Variants in FCRL1 observed in about 807,000 individuals in gnomAD.
FCRL1 encodes the protein Fc receptor like 1, also known as Fc receptor-like protein 1.
FCRL1 carries 34 observed loss-of-function variants against 49.2 expected under a neutral mutation model. That is an observed-to-expected ratio of 0.69 (90% CI 0.53 to 0.92). FCRL1 has a LOEUF of 0.92. Among genes scored for constraint, FCRL1 ranks in the 40% least tolerant of loss-of-function variants. FCRL1 has a pLI of 0.00. For synonymous variants in FCRL1, 218 were observed against 201.6 expected, an observed-to-expected ratio of 1.08 and a Z score of -0.69; for missense variants, 524 against 524.1, an observed-to-expected ratio of 1.00 and a Z score of 0.00.
chr1:157,817,222 T>C (rs935416730), intron 1 of FCRL1, among the ~76,000 whole-genome samples: 2 of 151,352 alleles, frequency 1.3e-5, no homozygotes, highest in East Asian at 1.9e-4. Flanking sequence ...CCAAACAACC[T>C]TGAAGAAAAG....
Position 157,802,414 on chromosome 1 carries a change from A to G in FCRL1, c.570T>C (p.Gly190=), listed in dbSNP as rs753834998. The G allele has an allele frequency of 2.2e-5, 35 of 1,614,070 alleles. No individual in the cohort carries two copies. Among genetic ancestry groups the G allele is most frequent in the Non-Finnish European group, 3.0e-5 (35 of 1,180,040 alleles). The change falls in exon 4 of 11, where the codon GGT becomes GGC. Residue 190 remains glycine (G), a synonymous_variant. Transcript: ENST00000368176. ...QYYCVAENGY[G]PSPSGLVSIT... is the part of the protein sequence containing the mutation. ...TGCTCACCAGCCCACTGGGGCTGGG[A>G]CCATAGCCATTTTCAGCTACACAGT...
chr1:157,802,229 G>A (rs771270023), intron 4 of FCRL1, 36 bp from the exon 5 acceptor site: 3 of 1,593,876 alleles, frequency 1.9e-6, no homozygotes, highest in African/African-American at 2.7e-5. Context: ...GACAGTCTCT[G>A]ACAATGCAGC....
intron 1 of FCRL1, among the ~76,000 whole-genome samples, chr1:157,811,970 G>C (rs917761942): frequency 6.6e-6 from 1 of 152,160 alleles, no homozygotes. Context: ...AGGCTGTCCT[G>C]CCCAGTGGAG....
In FCRL1 at chr1:157,798,201, G is replaced by A. The variant is rs139535471; in HGVS notation, c.1074C>T (p.Asn358=). 2.2e-4 allele frequency: 362 copies of A among 1,613,320 alleles called. 3 individuals carry two copies. In the African/African-American group the frequency reaches 4.0e-3, roughly 18 times the overall value. The change falls in exon 8 of 11, where the codon AAC becomes AAT. Residue 358 remains asparagine (N), a synonymous_variant. Coordinates refer to ENST00000368176, the MANE Select transcript of FCRL1 (RefSeq NM_052938.5). ...GCTGTAGCTGCCCTGGGGTAGGTGAGTTGAGGTAGGTGAACTCTTGGGGTA... is the reference window on the plus strand; with the variant it reads ...GCTGTAGCTGCCCTGGGGTAGGTGAATTGAGGTAGGTGAACTCTTGGGGTA... ...SPLPQEFTYL[N]SPTPGQLQPI... is the part of the protein sequence containing the mutation.
intron 2 of FCRL1, among the ~76,000 whole-genome samples, chr1:157,804,446 C>T (rs1433088384): frequency 6.6e-6 from 1 of 152,214 alleles, no homozygotes; most frequent in Non-Finnish European, 1.5e-5. Context: ...AAGACTGTTA[C>T]TGGAGTCGGC....
At chr1:157,801,344 C>T in intron 6 of FCRL1, 117 bp downstream of exon 6, 2 of 728,560 alleles carry the variant, frequency 2.7e-6, no homozygotes, top group African/African-American at 1.8e-5. Context: ...TGGGCAGAAA[C>T]ATAGGCAAGG....
chr1:157,797,976 C>T (rs1557890826), intron 8 of FCRL1, 37 bp from the exon 9 acceptor site: 1 of 1,601,274 alleles, frequency 6.2e-7, no homozygotes, highest in South Asian at 1.1e-5. Flanking sequence ...GACACAGCCC[C>T]TGATTCCTGT....
Position 157,797,091 on chromosome 1 carries a change from A to T in FCRL1, c.1218+10T>A. Reference sequence around the variant, plus strand: ...AAGAACATGGAAGAAAGAACAATAGAGACTCTTACCTTGTCCTCCATATGT... The same window carrying T: ...AAGAACATGGAAGAAAGAACAATAGTGACTCTTACCTTGTCCTCCATATGT... On this transcript the variant is annotated intron_variant, in intron 10 of 10. Transcript: ENST00000368176. 6.2e-7 allele frequency: 1 copy of T among 1,613,412 alleles called. No homozygotes were observed.
intron 7 of FCRL1, among the ~76,000 whole-genome samples, chr1:157,799,685 A>G (rs1478928707): frequency 6.6e-6 from 1 of 152,078 alleles, no homozygotes; most frequent in African/African-American, 2.4e-5. Context: ...AGATATACCT[A>G]ATGCTAAATG....
At chr1:157,808,782 G>T (rs1251373739) in intron 1 of FCRL1, among the ~76,000 whole-genome samples, 3 of 152,220 alleles carry the variant, frequency 2.0e-5, no homozygotes, top group Admixed American at 1.3e-4. Context: ...GACAGTGCTG[G>T]TGATATGAAG....
intron 1 of FCRL1, among the ~76,000 whole-genome samples, chr1:157,817,620 AT>A (rs1453261857): frequency 6.6e-6 from 1 of 152,060 alleles, no homozygotes; most frequent in Admixed American, 6.6e-5. Flanking sequence ...TTGGGCAGTG[AT>A]TTTTTTGGCT....
chr1:157,795,227 T>G lies in FCRL1; in HGVS notation c.*872A>C, dbSNP rs1465192236. 1 of 152,144 alleles carries G rather than the reference T, an allele frequency of 6.6e-6. No homozygotes were observed. Among genetic ancestry groups the G allele is most frequent in the Non-Finnish European group, 1.5e-5 (1 of 68,022 alleles). 9.4% of individuals were successfully genotyped at this position (152,144 alleles called of 1,614,324 possible). A position where few individuals can be genotyped will look rare whatever the true frequency, so the allele number is the denominator to read the frequency against. Reference sequence around the variant, plus strand: ...AAAAATGGCCAAGTTTGGTGGCATGTGCCTGTAGTCCCAGCTACTCAGCAG... The same window carrying G: ...AAAAATGGCCAAGTTTGGTGGCATGGGCCTGTAGTCCCAGCTACTCAGCAG... On this transcript the variant is annotated 3_prime_UTR_variant, in exon 11 of 11. Transcript: ENST00000368176.
chr1:157,800,278 G>C (rs1384825069), intron 6 of FCRL1, among the ~76,000 whole-genome samples, 193 bp from the exon 7 acceptor site: 1 of 152,162 alleles, frequency 6.6e-6, no homozygotes, highest in East Asian at 1.9e-4. Flanking sequence ...CTCAGGTCCT[G>C]AATAATTAAG....
At chr1:157,797,839 A>C in intron 9 of FCRL1, 29 bp downstream of exon 9, 1 of 1,614,146 alleles carries the variant, frequency 6.2e-7, no homozygotes, top group Non-Finnish European at 8.5e-7. Flanking sequence ...GACAAAAGTC[A>C]GAGACAAATT....
chr1:157,812,781 C>T (rs532621647), intron 1 of FCRL1, among the ~76,000 whole-genome samples: 2 of 152,270 alleles, frequency 1.3e-5, no homozygotes, highest in South Asian at 4.1e-4. Context: ...AGCATCTGTG[C>T]CCTGGAACAT....
chr1:157,807,073 C>G, intron 2 of FCRL1, 29 bp downstream of exon 2: 1 of 1,613,404 alleles, frequency 6.2e-7, no homozygotes, highest in African/African-American at 1.3e-5. Flanking sequence ...ACCCACAGAC[C>G]TTGAAGAAGA....
chr1:157,803,817 C>A (rs774265736), intron 3 of FCRL1, 28 bp downstream of exon 3: 1 of 1,606,916 alleles, frequency 6.2e-7, no homozygotes, highest in East Asian at 2.2e-5. Context: ...TCAGCCTATC[C>A]TGGCAGACTG....
chr1:157,800,161 C>A, intron 6 of FCRL1, 76 bp from the exon 7 acceptor site: 2 of 1,442,646 alleles, frequency 1.4e-6, no homozygotes, highest in Admixed American at 1.7e-5. Context: ...TTTCATACCC[C>A]CTGCACAGGG....
chr1:157,813,672 T>C (rs554640087), intron 1 of FCRL1, among the ~76,000 whole-genome samples: 15 of 152,296 alleles, frequency 9.8e-5, no homozygotes, highest in Admixed American at 6.5e-4. Context: ...GGAAAGCATA[T>C]TTGATAAAAT....
Sources: gnomAD v4.1 joint callset for allele counts (sites outside exome capture counted in the v4.1 genomes callset) on GRCh38, gnomAD v4.1.1 for gene constraint, MANE v1.5 for transcripts, NCBI Gene and HGNC (gene_info 2026-07-23, HGNC 2026-07-21) for gene names.